Variants in PIWIL1 observed in about 807,000 individuals in gnomAD.
PIWIL1 encodes the protein piwi like RNA-mediated gene silencing 1.
Under a neutral mutation model 114.4 loss-of-function variants are expected in PIWIL1, and 73 were observed. The ratio of observed to expected loss-of-function variants is 0.64; its 90% CI spans 0.53 to 0.78. PIWIL1 has a LOEUF of 0.78. PIWIL1 is among the 30% of genes least tolerant of loss of function. The pLI, the probability that PIWIL1 is intolerant of heterozygous loss-of-function variation, is 0.00. For synonymous variants in PIWIL1, 375 were observed against 369.0 expected (o/e 1.02, Z -0.19); for missense variants, 723 against 1,063.1 (o/e 0.68, Z 4.45).
At chr12:130,343,847 T>A (rs2072997319) in intron 3 of PIWIL1, among the ~76,000 whole-genome samples, 1 of 152,174 alleles carries the variant, frequency 6.6e-6, no homozygotes, top group African/African-American at 2.4e-5. Flanking sequence ...CAGGACGGTC[T>A]CGATCTCCTG....
intron 19 of PIWIL1, among the ~76,000 whole-genome samples, chr12:130,369,427 G>C (rs923951600): frequency 6.6e-6 from 1 of 152,146 alleles, no homozygotes. Flanking sequence ...TGGGATTGCT[G>C]GGTCAAATGG....
chr12:130,347,772 C>T (rs1012088568), intron 6 of PIWIL1, among the ~76,000 whole-genome samples: 1 of 151,848 alleles, frequency 6.6e-6, no homozygotes, highest in African/African-American at 2.4e-5. Flanking sequence ...CATCTCTTGG[C>T]AGCTCTTCAG....
At chr12:130,393,390 T>G in the PIWIL1 span, among the ~76,000 whole-genome samples, 1 of 151,740 alleles carries the variant, frequency 6.6e-6, no homozygotes, top group Non-Finnish European at 1.5e-5. Context: ...GATGACCCAG[T>G]CACCGTCATC....
chr12:130,381,243 G>A, the PIWIL1 span, among the ~76,000 whole-genome samples: 1 of 152,192 alleles, frequency 6.6e-6, no homozygotes, highest in Non-Finnish European at 1.5e-5. Context: ...GGATTTGGAC[G>A]GATGTATAAT....
At chr12:130,361,899 T>C (rs1223380821) in intron 16 of PIWIL1, among the ~76,000 whole-genome samples, 1 of 152,174 alleles carries the variant, frequency 6.6e-6, no homozygotes, top group East Asian at 1.9e-4. Context: ...TGAAATGTAG[T>C]TTCACATTTT....
the PIWIL1 span, among the ~76,000 whole-genome samples, chr12:130,380,976 A>C: frequency 1.3e-5 from 2 of 152,160 alleles, no homozygotes; most frequent in African/African-American, 4.8e-5. Flanking sequence ...CTTTAGGCTC[A>C]CAGTTAAATT....
chr12:130,345,261 G>T (rs975008710), intron 3 of PIWIL1: 4 of 153,508 alleles, frequency 2.6e-5, no homozygotes, highest in African/African-American at 9.6e-5. Flanking sequence ...TCTGAAGAGA[G>T]TCAGGTAGTG....
chr12:130,392,349 T>C, the PIWIL1 span, among the ~76,000 whole-genome samples: 3 of 149,636 alleles, frequency 2.0e-5, no homozygotes, highest in African/African-American at 7.3e-5. Flanking sequence ...ATATTGAATG[T>C]TGTGATGACC....
chr12:130,407,871 A>T, the PIWIL1 span: 1 of 1,562,522 alleles, frequency 6.4e-7, no homozygotes, highest in Non-Finnish European at 8.8e-7. Context: ...TCATGAGGTT[A>T]TTTCAAACTT....
chr12:130,385,552 T>C, the PIWIL1 span, among the ~76,000 whole-genome samples: 2 of 152,218 alleles, frequency 1.3e-5, no homozygotes, highest in Admixed American at 6.5e-5. Flanking sequence ...TAACCTGTTT[T>C]CCTGAAGATG....
At chr12:130,346,909 A>T in intron 5 of PIWIL1, 32 bp from the exon 6 acceptor site, 3 of 1,601,286 alleles carry the variant, frequency 1.9e-6, no homozygotes, top group Non-Finnish European at 2.5e-6. Context: ...TTAAGGATTT[A>T]AAGTTTGGGT....
chr12:130,343,790 T>C (rs775827388), intron 3 of PIWIL1, among the ~76,000 whole-genome samples: 7 of 152,052 alleles, frequency 4.6e-5, no homozygotes, highest in South Asian at 2.1e-4. Flanking sequence ...TGCGCCCAGC[T>C]AATTTTTTTG....
chr12:130,404,531 C>G, the PIWIL1 span, among the ~76,000 whole-genome samples: 3 of 152,134 alleles, frequency 2.0e-5, no homozygotes. Flanking sequence ...AATGCCTGAC[C>G]TCAGGTGATC....
chr12:130,394,603 T>TCTAC, the PIWIL1 span, among the ~76,000 whole-genome samples: 3 of 151,990 alleles, frequency 2.0e-5, no homozygotes, highest in Non-Finnish European at 4.4e-5. Context: ...CCAGACTGCC[T>TCTAC]CTACCTCGGG....
intron 3 of PIWIL1, among the ~76,000 whole-genome samples, chr12:130,343,392 A>G (rs941502549): frequency 3.2e-4 from 48 of 152,224 alleles, no homozygotes; most frequent in Admixed American, 3.1e-3. Flanking sequence ...CTACCTGTAG[A>G]GGTAAAGATC....
At chr12:130,395,543 T>G in the PIWIL1 span, among the ~76,000 whole-genome samples, 8 of 152,200 alleles carry the variant, frequency 5.3e-5, no homozygotes, top group African/African-American at 1.9e-4. Flanking sequence ...TTCAAAAGAT[T>G]TAGAGAAACA....
chr12:130,393,595 T>C, the PIWIL1 span, among the ~76,000 whole-genome samples: 1 of 152,268 alleles, frequency 6.6e-6, no homozygotes, highest in Non-Finnish European at 1.5e-5. Flanking sequence ...TGTGTGTCAG[T>C]TACCTGGTGA....
At chr12:130,359,201 G>T (rs2073446463) in intron 14 of PIWIL1, among the ~76,000 whole-genome samples, 1 of 152,244 alleles carries the variant, frequency 6.6e-6, no homozygotes, top group South Asian at 2.1e-4. Flanking sequence ...GCCTAATGTA[G>T]CAAAATAGAG....
At chr12:130,358,091 T>C (rs1402612213) in intron 14 of PIWIL1, among the ~76,000 whole-genome samples, 2 of 152,026 alleles carry the variant, frequency 1.3e-5, no homozygotes, top group East Asian at 3.9e-4. Flanking sequence ...TGCAAACGTG[T>C]TGTTGTTGTG....
Sources: allele counts gnomAD v4.1 joint callset (sites outside exome capture counted in the v4.1 genomes callset), GRCh38; gene constraint gnomAD v4.1.1; transcripts MANE v1.5; gene names NCBI Gene and HGNC (gene_info 2026-07-23, HGNC 2026-07-21).